CARF: variants seen among roughly 807,000 people sequenced by gnomAD.
CARF encodes the protein calcium-responsive transcription factor.
In CARF, 57 loss-of-function variants were observed where a neutral mutation model predicts 82.0. The ratio of observed to expected loss-of-function variants is 0.70; its 90% CI spans 0.56 to 0.87. The LOEUF (loss-of-function observed/expected upper bound fraction) is 0.87, where lower values mean the gene tolerates loss of function less well. Ranked by LOEUF, CARF falls within the 40% of genes least tolerant of loss-of-function variation. The pLI is 0.00. For missense variants in CARF, 771 were observed against 855.8 expected (o/e 0.90, Z 1.24); for synonymous variants, 268 against 290.1 (o/e 0.92, Z 0.77).
At chr2:202,951,611 A>C (rs2058755665) in intron 5 of CARF, among the ~76,000 whole-genome samples, 1 of 152,090 alleles carries the variant, frequency 6.6e-6, no homozygotes, top group African/African-American at 2.4e-5. Context: ...TAGGTCCAAA[A>C]GTTTTTCTTC....
chr2:202,936,024 C>A (rs967846493), intron 3 of CARF, among the ~76,000 whole-genome samples: 2 of 151,860 alleles, frequency 1.3e-5, no homozygotes, highest in Non-Finnish European at 2.9e-5. Context: ...GGATCTCAGG[C>A]TGGTCTTGAA....
chr2:202,921,033 ACT>A (rs1690698036), intron 2 of CARF, among the ~76,000 whole-genome samples: 1 of 152,044 alleles, frequency 6.6e-6, no homozygotes, highest in African/African-American at 2.4e-5. Context: ...ACGGAGTCTC[ACT>A]CTGTCGCCCA....
At chr2:202,982,469 T>C (rs981457095) in intron 16 of CARF, 28 bp downstream of exon 16, 5 of 1,610,844 alleles carry the variant, frequency 3.1e-6, no homozygotes, top group African/African-American at 2.7e-5. Flanking sequence ...TATGATGTTA[T>C]TGTTGTAACC....
chr2:202,981,466 G>T (rs907382781), intron 14 of CARF, 89 bp from the exon 15 acceptor site: 1 of 967,554 alleles, frequency 1.0e-6, no homozygotes, highest in South Asian at 2.1e-5. Flanking sequence ...TCCTATTTTA[G>T]TTCTGACAGA....
intron 3 of CARF, among the ~76,000 whole-genome samples, chr2:202,940,647 A>G (rs891760221): frequency 7.9e-5 from 12 of 152,146 alleles, no homozygotes; most frequent in African/African-American, 2.9e-4. Context: ...TTCACCCAGA[A>G]CCTTTCAGAT....
rs145325338 is a variant in CARF, at chr2:202,941,085, A to T, written c.-43-775A>T. Reference sequence around the variant, plus strand: ...TATATAAAATTCAAAAACCATCCAGAAAGTTATAAAATAAAATTGCTTTTA... The same window carrying T: ...TATATAAAATTCAAAAACCATCCAGTAAGTTATAAAATAAAATTGCTTTTA... On this transcript the variant is annotated intron_variant, in intron 3 of 16. Transcript: ENST00000438828. 8.5e-5 allele frequency among the ~76,000 whole-genome samples: 13 copies of T among 152,192 alleles called. 1 individual carries two copies. In the East Asian group the frequency reaches 2.5e-3, roughly 29 times the overall value.
At chr2:202,982,031 G>A in intron 15 of CARF, 41 bp from the exon 16 acceptor site, 2 of 1,591,444 alleles carry the variant, frequency 1.3e-6, no homozygotes, top group African/African-American at 1.4e-5. Flanking sequence ...ATCATACATA[G>A]GAAATTCAAA....
At chr2:202,964,797 T>C (rs1041998482) in intron 9 of CARF, among the ~76,000 whole-genome samples, 2 of 151,152 alleles carry the variant, frequency 1.3e-5, no homozygotes, top group African/African-American at 4.9e-5. Context: ...TATCATTCCA[T>C]CTGTAATTAC....
chr2:202,966,884 G>C lies in CARF; in HGVS notation c.833-94G>C, dbSNP rs2059575007. 4.9e-6 allele frequency: 6 copies of C among 1,213,388 alleles called. No individual in the cohort carries two copies. In the South Asian group the frequency reaches 8.1e-5, roughly 16 times the overall value. The allele number at this position is 1,213,388 out of a possible 1,614,324, so 75.2% of individuals were successfully genotyped here. On this transcript the variant is annotated intron_variant, in intron 9 of 16. Coordinates refer to ENST00000438828, the MANE Select transcript of CARF (RefSeq NM_024744.17). Reference sequence around the variant, plus strand: ...TTTCCTTAAAGCTGTATATTTGAAAGATTTTGACATTGCCACCACCAAGTT... The same window carrying C: ...TTTCCTTAAAGCTGTATATTTGAAACATTTTGACATTGCCACCACCAAGTT...
intron 3 of CARF, among the ~76,000 whole-genome samples, chr2:202,935,871 C>T (rs978696904): frequency 3.9e-5 from 6 of 152,124 alleles, no homozygotes; most frequent in East Asian, 1.9e-4. Context: ...CGCTGAATTG[C>T]AGTGGTACAG....
At chr2:202,924,997 G>T in intron 3 of CARF, 1 of 382,938 alleles carries the variant, frequency 2.6e-6, no homozygotes. Flanking sequence ...CAAGATACTG[G>T]AGACCAAGTG....
Position 202,952,620 on chromosome 2 carries a change from C to T in CARF, c.368C>T (p.Thr123Ile), listed in dbSNP as rs1464710577. The T allele has an allele frequency of 1.2e-6, 2 of 1,613,274 alleles. No individual in the cohort carries two copies. The highest frequency in any genetic ancestry group is 1.7e-6 in the Non-Finnish European group (2 of 1,179,850). ...CTTCGTGTAATTCCACCTACCCAGA[C>T]AGGAATGGCACAAGTGATTATACCT... Reference protein sequence around the residue: ...QVLRVIPPTQTGMAQVIIPQG... With the variant: ...QVLRVIPPTQIGMAQVIIPQG... Residue 123 changes from threonine (T) to isoleucine (I), a missense_variant, in exon 6 of 17, where the codon ACA (threonine) becomes ATA (isoleucine). Thr to Ile is a moderately conservative substitution (Grantham distance 89). Coordinates refer to ENST00000438828, the MANE Select transcript of CARF (RefSeq NM_024744.17).
rs1029186606 is a variant in CARF at position 202,988,252 on chromosome 2, A to G, written c.*4628A>G. Among the ~76,000 whole-genome samples, 1 of 152,226 alleles carries G rather than the reference A, an allele frequency of 6.6e-6. No individual in the cohort carries two copies. The highest frequency in any genetic ancestry group is 1.5e-5 in the Non-Finnish European group (1 of 68,032). Reference sequence around the variant, plus strand: ...TATTATGAATAAAGTTTCCATGAACATCTATGTACAAGTCTTTGTACAGAC... The same window carrying G: ...TATTATGAATAAAGTTTCCATGAACGTCTATGTACAAGTCTTTGTACAGAC... On this transcript the variant is annotated 3_prime_UTR_variant, in exon 17 of 17. Coordinates refer to ENST00000438828, the MANE Select transcript of CARF (RefSeq NM_024744.17).
chr2:202,969,421 C>T (rs1373958751), intron 10 of CARF, among the ~76,000 whole-genome samples: 2 of 150,654 alleles, frequency 1.3e-5, no homozygotes, highest in Admixed American at 1.3e-4. Context: ...ACTAAAAATA[C>T]AAAATTAGCC....
intron 9 of CARF, among the ~76,000 whole-genome samples, chr2:202,965,738 T>C (rs1559258142): frequency 1.3e-5 from 2 of 152,236 alleles, no homozygotes; most frequent in African/African-American, 4.8e-5. Flanking sequence ...TTGGTGTTTT[T>C]ATTTTATATT....
At chr2:202,939,524 T>C (rs2058114322) in intron 3 of CARF, among the ~76,000 whole-genome samples, 1 of 152,140 alleles carries the variant, frequency 6.6e-6, no homozygotes, top group Non-Finnish European at 1.5e-5. Context: ...CTTATATGCA[T>C]ACTATACTTT....
At chr2:202,960,413 C>T (rs1490674464) in intron 8 of CARF, among the ~76,000 whole-genome samples, 1 of 152,034 alleles carries the variant, frequency 6.6e-6, no homozygotes, top group Non-Finnish European at 1.5e-5. Flanking sequence ...CCACGCCCAG[C>T]TAATTTTTGT....
rs2059006322 is a variant in CARF, at chr2:202,955,765, T to C, written c.642+7T>C. Reference sequence around the variant, plus strand: ...CCGTCTTAGGAGCTGTGAGGTGAGTTATAAATAATCATTACCTAGAATTAC... The same window carrying C: ...CCGTCTTAGGAGCTGTGAGGTGAGTCATAAATAATCATTACCTAGAATTAC... On this transcript the variant is annotated splice_region_variant and intron_variant, in intron 8 of 16. Coordinates refer to ENST00000438828, the MANE Select transcript of CARF (RefSeq NM_024744.17). 1.2e-6 allele frequency: 2 copies of C among 1,600,884 alleles called. No homozygotes were observed. The highest frequency in any genetic ancestry group is 4.5e-5 in the East Asian group (2 of 44,592).
At chr2:202,916,236 C>T (rs1275712708) in intron 1 of CARF, among the ~76,000 whole-genome samples, 3 of 151,534 alleles carry the variant, frequency 2.0e-5, no homozygotes, top group African/African-American at 7.3e-5. Flanking sequence ...GCTGTAGTGC[C>T]GTGGCACAAT....
Sources: gnomAD v4.1 joint callset for allele counts (sites outside exome capture counted in the v4.1 genomes callset) on GRCh38, gnomAD v4.1.1 for gene constraint, MANE v1.5 for transcripts, NCBI Gene and HGNC (gene_info 2026-07-23, HGNC 2026-07-21) for gene names.